SNRNP70: variants seen among roughly 807,000 people sequenced by gnomAD.
SNRNP70 encodes the protein small nuclear ribonucleoprotein U1 subunit 70.
Under a neutral mutation model 50.5 loss-of-function variants are expected in SNRNP70, and 8 were observed. The ratio of observed to expected loss-of-function variants is 0.16; its 90% CI spans 0.09 to 0.29. The LOEUF is 0.29. SNRNP70 is among the 10% of genes least tolerant of loss of function. The pLI is 1.00. For synonymous variants in SNRNP70, 320 were observed against 252.9 expected (o/e 1.27, Z -2.52); for missense variants, 529 against 663.5 (o/e 0.80, Z 2.23).
Position 49,098,669 on chromosome 19 carries a change from C to T in SNRNP70, c.358C>T (p.Arg120Trp), listed in dbSNP as rs11539820. The T allele has an allele frequency of 3.1e-6, 5 of 1,613,990 alleles. No homozygotes were observed. Among genetic ancestry groups the T allele is most frequent in the Non-Finnish European group, 4.2e-6 (5 of 1,179,966 alleles). ...VNYDTTESKL[R>W]REFEVYGPIK... The stretch of plus-strand genomic sequence containing the variant: ...TTATGACACAACAGAATCCAAGCTC[C>T]GGAGAGAGTTTGAGGTGTACGGACC... Residue 120 changes from arginine to tryptophan, a missense_variant, in exon 6 of 10, where the codon CGG becomes TGG. Physicochemically the swap from Arg to Trp is moderately radical, Grantham distance 101 (BLOSUM62 -3). This residue lies in a region of SNRNP70 where 149 missense variants were observed against 259.7 expected (regional missense o/e 0.57). Transcript: ENST00000598441.
chr19:49,090,428 T>C (rs2040433397), intron 3 of SNRNP70, 38 bp from the exon 4 acceptor site: 2 of 1,613,790 alleles, frequency 1.2e-6, no homozygotes, highest in East Asian at 2.2e-5. Flanking sequence ...GGCACTTCTA[T>C]CTGCATTCAC....
intron 4 of SNRNP70, among the ~76,000 whole-genome samples, chr19:49,094,935 G>A (rs911763142): frequency 1.3e-5 from 2 of 152,176 alleles, no homozygotes; most frequent in Non-Finnish European, 2.9e-5. Context: ...CCAACTCCAC[G>A]ACCCACTTCC....
intron 4 of SNRNP70, among the ~76,000 whole-genome samples, chr19:49,093,697 A>C (rs1249497014): frequency 6.8e-6 from 1 of 147,698 alleles, no homozygotes; most frequent in African/African-American, 2.5e-5. Context: ...AAAAAACAAA[A>C]AAAAAAACAG....
In SNRNP70 at chr19:49,107,393, T is replaced by A. The variant is rs2040685855; in HGVS notation, c.578-232T>A. On this transcript the variant is annotated intron_variant, in intron 8 of 9. Coordinates refer to ENST00000598441, the MANE Select transcript of SNRNP70 (RefSeq NM_003089.6). This position sits in a 1 kb window ranked among gnomAD's most constrained non-coding sequence, Gnocchi z 6.0. Reference sequence around the variant, plus strand: ...AGATGATGCGCTTTGGGGCCAGACATGGGTTCCAGTAACGGCTGTTGCCTA... The same window carrying A: ...AGATGATGCGCTTTGGGGCCAGACAAGGGTTCCAGTAACGGCTGTTGCCTA... Among the ~76,000 whole-genome samples, 1 of 152,188 alleles carries A rather than the reference T, an allele frequency of 6.6e-6. No individual in the cohort carries two copies. The highest frequency in any genetic ancestry group is 6.5e-5 in the Admixed American group (1 of 15,276).
Position 49,085,470 on chromosome 19 carries a change from G to C in SNRNP70, c.-177G>C, listed in dbSNP as rs2040363290. 2.3e-6 allele frequency: 1 copy of C among 436,488 alleles called. No individual in the cohort carries two copies. The highest frequency in any genetic ancestry group is 2.4e-5 in the Admixed American group (1 of 40,978). 27.0% of individuals were successfully genotyped at this position (436,488 alleles called of 1,614,324 possible). A position where few individuals can be genotyped will look rare whatever the true frequency, so the allele number is the denominator to read the frequency against. ...TGCTCCAGTCGCTATCGGAGGCCGC[G>C]CGGGTGGCTGAGCAGCGGCCTGGTG... is the stretch of plus-strand genomic sequence containing the variant. On this transcript the variant is annotated 5_prime_UTR_variant, in exon 1 of 10. Transcript: ENST00000598441.
At chr19:49,098,345 T>C (rs2040538926) in intron 4 of SNRNP70, 82 bp from the exon 5 acceptor site, 1 of 1,165,574 alleles carries the variant, frequency 8.6e-7, no homozygotes, top group Non-Finnish European at 1.2e-6. Flanking sequence ...CGTTTTCTTC[T>C]TGGCCTCTGC....
rs907928482 is a variant in SNRNP70 at position 49,104,220 on chromosome 19, T to C, written c.476-414T>C. 1 of 164,674 alleles carries C rather than the reference T, an allele frequency of 6.1e-6. No homozygotes were observed. Among genetic ancestry groups the C allele is most frequent in the Admixed American group, 6.5e-5 (1 of 15,498 alleles). The allele number at this position is 164,674 out of a possible 1,614,324, so 10.2% of individuals were successfully genotyped here. ...CTGGGCCTCCTGCCCCGGCTTGGTGTCTCAGGGTGCATGCTTGGGGTTGTG... is the reference window on the plus strand; with the variant it reads ...CTGGGCCTCCTGCCCCGGCTTGGTGCCTCAGGGTGCATGCTTGGGGTTGTG... On this transcript the variant is annotated intron_variant, in intron 7 of 9. Coordinates refer to ENST00000598441, the MANE Select transcript of SNRNP70 (RefSeq NM_003089.6). The surrounding 1 kb of genome is among the most constrained non-coding windows in gnomAD (Gnocchi z 5.4).
chr19:49,100,226 C>T (rs1335901299), intron 6 of SNRNP70, among the ~76,000 whole-genome samples: 1 of 152,174 alleles, frequency 6.6e-6, no homozygotes, highest in African/African-American at 2.4e-5. Context: ...CTGCCTTGCC[C>T]GTTGTTCTCC....
chr19:49,088,945 C>G (rs1165495694), intron 2 of SNRNP70, among the ~76,000 whole-genome samples: 1 of 152,204 alleles, frequency 6.6e-6, no homozygotes, highest in African/African-American at 2.4e-5. Context: ...AAGCAGGGCC[C>G]TGCCATCACT....
chr19:49,104,866 TTCTC>T lies in SNRNP70; in HGVS notation c.577+137_577+140del, dbSNP rs1381649049. 3 of 593,484 alleles carry T rather than the reference TTCTC, an allele frequency of 5.1e-6. No homozygotes were observed. The highest frequency in any genetic ancestry group is 4.2e-5 in the South Asian group (2 of 47,320). The allele number at this position is 593,484 out of a possible 1,614,324, so 36.8% of individuals were successfully genotyped here. On this transcript the variant is annotated intron_variant, in intron 8 of 9. Coordinates refer to ENST00000598441, the MANE Select transcript of SNRNP70 (RefSeq NM_003089.6). The surrounding 1 kb of genome is among the most constrained non-coding windows in gnomAD (Gnocchi z 5.4). ...CTCCCATCGCGTCCTCATCTCCGGC[TTCTC>T]TCTCTTGTGGCCATCACATTTCTGA...
intron 2 of SNRNP70, 150 bp from the exon 3 acceptor site, chr19:49,090,141 C>A: frequency 1.4e-6 from 1 of 691,176 alleles, no homozygotes. Flanking sequence ...TGCCACTCCC[C>A]TCCCTCCACT....
chr19:49,089,475 T>G (rs2040421748), intron 2 of SNRNP70, among the ~76,000 whole-genome samples: 1 of 150,316 alleles, frequency 6.7e-6, no homozygotes, highest in Admixed American at 6.6e-5. Flanking sequence ...CAACTTCGTC[T>G]CAGAAAAAAA....
intron 2 of SNRNP70, chr19:49,087,840 A>G (rs535457115): frequency 6.6e-6 from 1 of 152,332 alleles, no homozygotes; most frequent in South Asian, 2.1e-4. Context: ...TTACTGGCCA[A>G]TTAACTTAAT....
rs557935289 is a variant in SNRNP70, at chr19:49,107,357, C to A, written c.578-268C>A. Among the ~76,000 whole-genome samples the A allele has an allele frequency of 6.6e-5, 10 of 152,296 alleles. No homozygotes were observed. In the South Asian group the frequency reaches 2.1e-3, roughly 32 times the overall value. On this transcript the variant is annotated intron_variant, in intron 8 of 9. Coordinates refer to ENST00000598441, the MANE Select transcript of SNRNP70 (RefSeq NM_003089.6). The surrounding 1 kb of genome is among the most constrained non-coding windows in gnomAD (Gnocchi z 6.0). ...AGGGTTTTGAGGAGGCTGTGAAGTG[C>A]GCTATGGTTAAGATGATGCGCTTTG... is the stretch of plus-strand genomic sequence containing the variant.
Position 49,086,396 on chromosome 19 carries a change from T to G in SNRNP70, c.-10-9T>G, listed in dbSNP as rs374256071. On this transcript the variant is annotated splice_polypyrimidine_tract_variant and intron_variant, in intron 1 of 9. Transcript: ENST00000598441. Reference sequence around the variant, plus strand: ...ATCTAACCTAAGGCTGTCCTGCTTCTGCTCTCAGACTTGGCAAGATGACCC... The same window carrying G: ...ATCTAACCTAAGGCTGTCCTGCTTCGGCTCTCAGACTTGGCAAGATGACCC... 1 of 1,610,738 alleles carries G rather than the reference T, an allele frequency of 6.2e-7. No individual in the cohort carries two copies. The highest frequency in any genetic ancestry group is 1.1e-5 in the South Asian group (1 of 90,620).
intron 7 of SNRNP70, chr19:49,102,339 T>G (rs540981332): frequency 2.7e-6 from 1 of 372,950 alleles, no homozygotes; most frequent in African/African-American, 2.2e-5. Flanking sequence ...CCTTTGTCCC[T>G]CCTGCCCCGA....
chr19:49,086,029 A>G (rs757273093), intron 1 of SNRNP70, among the ~76,000 whole-genome samples: 3 of 152,002 alleles, frequency 2.0e-5, no homozygotes, highest in Non-Finnish European at 4.4e-5. Context: ...TGCAAACTGC[A>G]TCTCGTAATT....
At chr19:49,097,245 G>A (rs919038064) in intron 4 of SNRNP70, among the ~76,000 whole-genome samples, 4 of 152,158 alleles carry the variant, frequency 2.6e-5, no homozygotes, top group South Asian at 2.1e-4. Flanking sequence ...TCAAGTGCCC[G>A]GGGTGAGAGG....
In SNRNP70 at chr19:49,108,005, CAGCCGGAGT is replaced by C; in HGVS notation, c.877_885del (p.Ser293_Ser295del). 1 of 1,547,694 alleles carries C rather than the reference CAGCCGGAGT, an allele frequency of 6.5e-7. No homozygotes were observed. The highest frequency in any genetic ancestry group is 2.4e-5 in the East Asian group (1 of 40,962). Reference sequence around the variant, plus strand: ...AGGACCGGGACCGGAAGCGGCGAAGCAGCCGGAGTCGGGAGCGGGCCCGGCGGGAGCGGG... The same window carrying C: ...AGGACCGGGACCGGAAGCGGCGAAGCCGGGAGCGGGCCCGGCGGGAGCGGG... On this transcript the variant is annotated inframe_deletion, in exon 10 of 10. Coordinates refer to ENST00000598441, the MANE Select transcript of SNRNP70 (RefSeq NM_003089.6).
Sources: gnomAD v4.1 joint callset for allele counts (sites outside exome capture counted in the v4.1 genomes callset) on GRCh38, gnomAD v4.1.1 for gene constraint, gnomAD v4.1.1 regional missense constraint, Gnocchi (gnomAD v3.1) non-coding constraint, MANE v1.5 for transcripts, NCBI Gene and HGNC (gene_info 2026-07-23, HGNC 2026-07-21) for gene names.